UBAP2: variants seen among roughly 807,000 people sequenced by gnomAD.
The protein encoded by UBAP2 is ubiquitin-associated protein 2.
UBAP2 carries 75 observed loss-of-function variants against 139.6 expected under a neutral mutation model. The observed-to-expected ratio is 0.54, with a 90% CI of 0.45 to 0.65. The LOEUF is 0.65. UBAP2 is among the 30% of genes least tolerant of loss of function. The probability of loss-of-function intolerance (pLI) is 0.00; values close to 1 mark genes in which losing one functional copy is unlikely to be tolerated. For missense variants in UBAP2, 1,368 were observed against 1,369.6 expected (o/e 1.00, Z 0.02); for synonymous variants, 526 against 526.2 (o/e 1.00, Z 0.01).
At chr9:34,016,370 C>CGGCGGCGGCGGCGGCGGT (rs1321174650) in intron 2 of UBAP2, among the ~76,000 whole-genome samples, 3 of 93,734 alleles carry the variant, frequency 3.2e-5, no homozygotes, top group African/African-American at 1.5e-4. Context: ...GCGGCAGCGG[C>CGGCGGCGGCGGCGGCGGT]GGTGGTGGTG....
intron 3 of UBAP2, chr9:33,997,700 G>A (rs1333538739): frequency 6.6e-6 from 1 of 152,174 alleles, no homozygotes; most frequent in Non-Finnish European, 1.5e-5. Context: ...TCAGATTATT[G>A]ACAGACAGAA....
chr9:34,038,614 G>A (rs1286393625), intron 1 of UBAP2, among the ~76,000 whole-genome samples: 1 of 152,168 alleles, frequency 6.6e-6, no homozygotes, highest in Non-Finnish European at 1.5e-5. Flanking sequence ...GAGTGCAGTG[G>A]CGTGATCTCG....
At chr9:33,968,793 A>C (rs1309115214) in intron 8 of UBAP2, among the ~76,000 whole-genome samples, 4 of 152,334 alleles carry the variant, frequency 2.6e-5, no homozygotes, top group African/African-American at 9.6e-5. Context: ...GAACATTTTC[A>C]TCACTCCAAA....
intron 21 of UBAP2, 82 bp downstream of exon 21, chr9:33,926,907 G>T: frequency 7.1e-7 from 1 of 1,408,702 alleles, no homozygotes. Flanking sequence ...GGGCAACCTG[G>T]GCCCAACGCC....
At chr9:33,999,306 T>C (rs1822481419) in intron 2 of UBAP2, among the ~76,000 whole-genome samples, 1 of 151,576 alleles carries the variant, frequency 6.6e-6, no homozygotes, top group African/African-American at 2.4e-5. Context: ...CCTGTCTCTA[T>C]TTAATTTTTA....
chr9:33,924,109 T>TA, intron 23 of UBAP2, 97 bp downstream of exon 23: 1 of 1,581,402 alleles, frequency 6.3e-7, no homozygotes, highest in Admixed American at 1.7e-5. Flanking sequence ...CACAGGCTAC[T>TA]AAGAGGCCTC....
At position 34,036,982 on chromosome 9, in the gene UBAP2, A is replaced by ATT. The variant is rs141751803; in HGVS notation, c.-42+11841_-42+11842dup. Among the ~76,000 whole-genome samples, 174 of 57,438 alleles carry ATT rather than the reference A, an allele frequency of 3.0e-3. 10 individuals carry two copies. The highest frequency in any genetic ancestry group is 6.5e-3 in the South Asian group (10 of 1,530). 37.7% of individuals were successfully genotyped at this position (57,438 alleles called of 152,430 possible). On this transcript the variant is annotated intron_variant, in intron 1 of 28. Coordinates refer to ENST00000379238, the MANE Select transcript of UBAP2 (RefSeq NM_001370062.2). ...TAGGCATGTGCCACCACACCCAGCTATTTTTTTTTTTTTTTTTTTTTTTTT... is the reference window on the plus strand; with the variant it reads ...TAGGCATGTGCCACCACACCCAGCTATTTTTTTTTTTTTTTTTTTTTTTTTTT...
intron 22 of UBAP2, among the ~76,000 whole-genome samples, chr9:33,925,860 ACT>A (rs1168951047): frequency 1.3e-5 from 2 of 152,116 alleles, no homozygotes; most frequent in Non-Finnish European, 2.9e-5. Flanking sequence ...ACTGCCTGCA[ACT>A]CTCTGACAAG....
chr9:33,973,147 G>C, intron 7 of UBAP2, 36 bp downstream of exon 7: 2 of 1,600,108 alleles, frequency 1.2e-6, no homozygotes, highest in Non-Finnish European at 1.7e-6. Context: ...AACTAGGGAA[G>C]TAAATAATTA....
intron 1 of UBAP2, among the ~76,000 whole-genome samples, chr9:34,028,361 CTTATTTAT>C (rs143612468): frequency 1.5e-4 from 21 of 144,018 alleles, no homozygotes; most frequent in Admixed American, 3.6e-4. Flanking sequence ...TAAACCCTGT[CTTATTTAT>C]TTATTTATTT....
chr9:34,037,798 A>G (rs982563623), intron 1 of UBAP2, among the ~76,000 whole-genome samples: 1 of 152,038 alleles, frequency 6.6e-6, no homozygotes, highest in African/African-American at 2.4e-5. Context: ...GGATGGGAAA[A>G]GAGGCTATAA....
intron 19 of UBAP2, among the ~76,000 whole-genome samples, chr9:33,930,192 G>T (rs1823846101): frequency 6.6e-6 from 1 of 152,172 alleles, no homozygotes. Flanking sequence ...GGATGCCATG[G>T]TGTAATAGGA....
At chr9:34,040,078 GAA>G (rs926087731) in intron 1 of UBAP2, among the ~76,000 whole-genome samples, 10 of 151,262 alleles carry the variant, frequency 6.6e-5, no homozygotes, top group African/African-American at 2.4e-4. Context: ...AGAATCACTT[GAA>G]CCCAGGAGGC....
At chr9:33,963,862 G>A in intron 8 of UBAP2, 71 bp from the exon 9 acceptor site, 2 of 1,152,608 alleles carry the variant, frequency 1.7e-6, no homozygotes, top group East Asian at 2.4e-5. Context: ...AGAGAAGATG[G>A]TCACTGTCAA....
intron 2 of UBAP2, among the ~76,000 whole-genome samples, chr9:34,000,083 G>A (rs1305238286): frequency 6.6e-6 from 1 of 151,988 alleles, no homozygotes; most frequent in East Asian, 1.9e-4. Flanking sequence ...GAGTTGCTGG[G>A]ATTACAGGCG....
intron 1 of UBAP2, among the ~76,000 whole-genome samples, chr9:34,035,064 A>T (rs1295576569): frequency 6.6e-6 from 1 of 152,002 alleles, no homozygotes; most frequent in African/African-American, 2.4e-5. Context: ...TCCTCACTAA[A>T]CATCTCCTTA....
intron 16 of UBAP2, among the ~76,000 whole-genome samples, chr9:33,941,223 A>G (rs887919937): frequency 1.3e-5 from 2 of 152,238 alleles, no homozygotes; most frequent in Middle Eastern, 3.2e-3. Flanking sequence ...TCCTTTATCT[A>G]TAGTCCAGTA....
In UBAP2 at chr9:33,922,667, G is replaced by A; in HGVS notation, c.3264+20C>T. On this transcript the variant is annotated intron_variant, in intron 28 of 28. Coordinates refer to ENST00000379238, the MANE Select transcript of UBAP2 (RefSeq NM_001370062.2). ...ACCCCTGGCCCAGAGTAGGGTGGCT[G>A]CCTCCATCACTGTACTCACCTGTGC... The A allele has an allele frequency of 6.3e-7, 1 of 1,575,756 alleles. No individual in the cohort carries two copies. The highest frequency in any genetic ancestry group is 8.6e-7 in the Non-Finnish European group (1 of 1,161,306).
At chr9:33,962,590 G>T (rs569604816) in intron 9 of UBAP2, among the ~76,000 whole-genome samples, 16 of 151,788 alleles carry the variant, frequency 1.1e-4, no homozygotes, top group African/African-American at 3.9e-4. Flanking sequence ...AGGTTGCAGT[G>T]AGCTGAGATC....
Sources: gnomAD v4.1 joint callset for allele counts (sites outside exome capture counted in the v4.1 genomes callset) on GRCh38, gnomAD v4.1.1 for gene constraint, MANE v1.5 for transcripts, NCBI Gene and HGNC (gene_info 2026-07-23, HGNC 2026-07-21) for gene names.